The following RNF125 variants were observed in gnomAD, a reference collection of about 807,000 sequenced individuals.
RNF125 encodes the protein E3 ubiquitin-protein ligase RNF125.
A neutral mutation model predicts 26.0 loss-of-function variants in RNF125; 21 were observed. The observed-to-expected ratio is 0.81, with a 90% CI of 0.57 to 1.16. The LOEUF (loss-of-function observed/expected upper bound fraction) is 1.16. Ranked by LOEUF, RNF125 falls within the 50% of genes most tolerant of loss-of-function variation. RNF125 has a pLI of 0.00. For missense variants in RNF125, 270 were observed against 299.4 expected (o/e 0.90, Z 0.72); for synonymous variants, 95 against 109.2 (o/e 0.87, Z 0.81).
At chr18:32,089,323 A>C in the RNF125 span, among the ~76,000 whole-genome samples, 1 of 152,198 alleles carries the variant, frequency 6.6e-6, no homozygotes, top group African/African-American at 2.4e-5. Flanking sequence ...TAGTGCCTTG[A>C]GTTCATGTCA....
chr18:32,024,746 T>C (rs970634165), intron 1 of RNF125, among the ~76,000 whole-genome samples: 4 of 152,092 alleles, frequency 2.6e-5, no homozygotes, highest in African/African-American at 9.7e-5. Context: ...CTGCTGGGAT[T>C]ACAGGCATGA....
rs1210720864 is a variant in RNF125, at chr18:32,061,064, G to A, written c.505-4838G>A. 7.9e-5 allele frequency among the ~76,000 whole-genome samples: 12 copies of A among 152,124 alleles called. No homozygotes were observed. The East Asian group carries it at 9.7e-4, about 12-fold the overall frequency. Reference sequence around the variant, plus strand: ...TTTTTTCAGACAGTCTTGCTCTGGCGCCCAGGCTGGAGTGCAGTGGTGCGA... The same window carrying A: ...TTTTTTCAGACAGTCTTGCTCTGGCACCCAGGCTGGAGTGCAGTGGTGCGA... On this transcript the variant is annotated intron_variant, in intron 4 of 5. Transcript: ENST00000217740.
At chr18:32,057,830 A>C (rs1218274900) in intron 4 of RNF125, among the ~76,000 whole-genome samples, 1 of 152,182 alleles carries the variant, frequency 6.6e-6, no homozygotes, top group Non-Finnish European at 1.5e-5. Context: ...CTGTTTAAAC[A>C]TAGATTGCTG....
chr18:32,040,986 T>G (rs1033866929), intron 2 of RNF125, among the ~76,000 whole-genome samples: 1 of 152,236 alleles, frequency 6.6e-6, no homozygotes, highest in Non-Finnish European at 1.5e-5. Flanking sequence ...GCTTTTATTT[T>G]TGCCCTTTGT....
chr18:32,047,329 G>A (rs1452554681), intron 4 of RNF125, among the ~76,000 whole-genome samples: 3 of 152,134 alleles, frequency 2.0e-5, no homozygotes, highest in Admixed American at 6.6e-5. Context: ...GAGCCACCGC[G>A]CCTGGCCTGG....
intron 3 of RNF125, among the ~76,000 whole-genome samples, chr18:32,045,405 A>G (rs2039259166): frequency 6.6e-6 from 1 of 151,254 alleles, no homozygotes. Context: ...CTAAAAATAC[A>G]AAGATTAACC....
the RNF125 span, among the ~76,000 whole-genome samples, chr18:32,087,036 A>G: frequency 2.0e-5 from 3 of 152,214 alleles, no homozygotes; most frequent in South Asian, 6.2e-4. Flanking sequence ...ACTGAGTCAC[A>G]TACACACTCA....
intron 4 of RNF125, among the ~76,000 whole-genome samples, chr18:32,051,564 A>G (rs1195263754): frequency 1.3e-5 from 2 of 148,294 alleles, no homozygotes; most frequent in Non-Finnish European, 3.0e-5. Flanking sequence ...GCAGTGAGCC[A>G]AAATCATGCC....
chr18:32,038,378 T>G (rs2039182644), intron 2 of RNF125, among the ~76,000 whole-genome samples: 1 of 152,152 alleles, frequency 6.6e-6, no homozygotes. Flanking sequence ...ATATATCATC[T>G]GCAGAAAACC....
At chr18:32,088,495 T>G in the RNF125 span, among the ~76,000 whole-genome samples, 4 of 152,006 alleles carry the variant, frequency 2.6e-5, no homozygotes, top group African/African-American at 9.7e-5. Flanking sequence ...AGAGTTTTAT[T>G]TACTTATTTT....
At position 32,068,646 on chromosome 18, in the gene RNF125, T is replaced by A; in HGVS notation, c.*262T>A. The stretch of plus-strand genomic sequence containing the variant: ...GTCATTGTTACATGGAAAAGACAGG[T>A]GGTAGGCAAGTAGGTGGAGGATCTC... On this transcript the variant is annotated 3_prime_UTR_variant, in exon 6 of 6. Coordinates refer to ENST00000217740, the MANE Select transcript of RNF125 (RefSeq NM_017831.4). 1 of 345,842 alleles carries A rather than the reference T, an allele frequency of 2.9e-6. No individual in the cohort carries two copies. Among genetic ancestry groups the A allele is most frequent in the Non-Finnish European group, 5.3e-6 (1 of 187,214 alleles). 21.4% of individuals were successfully genotyped at this position (345,842 alleles called of 1,614,324 possible).
At chr18:32,075,061 G>T (rs2039560996), downstream of RNF125, among the ~76,000 whole-genome samples, 1 of 152,092 alleles carries the variant, frequency 6.6e-6, no homozygotes. Context: ...TGGGATACTT[G>T]TTATAATTAC....
intron 1 of RNF125, among the ~76,000 whole-genome samples, chr18:32,036,833 G>A (rs1473100923): frequency 2.0e-5 from 3 of 152,020 alleles, no homozygotes; most frequent in East Asian, 3.9e-4. Flanking sequence ...TTAAAGTATC[G>A]TTTAAACTTA....
intron 1 of RNF125, among the ~76,000 whole-genome samples, chr18:32,034,900 CA>C (rs10674977): frequency 0.012 from 1,411 of 113,680 alleles, 17 homozygotes; most frequent in African/African-American, 0.036. Flanking sequence ...AACTCCATCT[CA>C]AAAAAAAAAA....
chr18:32,029,175 T>G (rs2039068463), intron 1 of RNF125, among the ~76,000 whole-genome samples: 1 of 152,178 alleles, frequency 6.6e-6, no homozygotes, highest in Non-Finnish European at 1.5e-5. Flanking sequence ...AAGTTTCACT[T>G]TAATGTTTTA....
At chr18:32,051,529 C>T (rs1199455585) in intron 4 of RNF125, among the ~76,000 whole-genome samples, 2 of 147,482 alleles carry the variant, frequency 1.4e-5, no homozygotes, top group African/African-American at 2.5e-5. Context: ...AGGCAGGAAT[C>T]GCGTGAACCC....
At chr18:32,077,799 T>C (rs1172040503), downstream of RNF125, among the ~76,000 whole-genome samples, 1 of 151,868 alleles carries the variant, frequency 6.6e-6, no homozygotes, top group African/African-American at 2.4e-5. Context: ...ATAATTTTTT[T>C]TTTTTTTAGA....
intron 1 of RNF125, among the ~76,000 whole-genome samples, chr18:32,035,443 G>A (rs62093936): frequency 0.025 from 3,765 of 152,250 alleles, 45 homozygotes; most frequent in African/African-American, 0.032. Flanking sequence ...AAGAAGAATT[G>A]TTTGGAAAAT....
rs1166937211 is a variant in RNF125 at position 32,071,478 on chromosome 18, C to T, written c.*3094C>T. 6.6e-6 allele frequency: 1 copy of T among 152,184 alleles called. No homozygotes were observed. The highest frequency in any genetic ancestry group is 2.4e-5 in the African/African-American group (1 of 41,448). The allele number at this position is 152,184 out of a possible 1,614,324, so 9.4% of individuals were successfully genotyped here. On this transcript the variant is annotated 3_prime_UTR_variant, in exon 6 of 6. Coordinates refer to ENST00000217740, the MANE Select transcript of RNF125 (RefSeq NM_017831.4). ...TGATGGCTCTGACTGTTTCTCATAT[C>T]TGACTCTTTAATTATGAATCCAGGG...
Sources: allele counts gnomAD v4.1 joint callset (sites outside exome capture counted in the v4.1 genomes callset), GRCh38; gene constraint gnomAD v4.1.1; transcripts MANE v1.5; gene names NCBI Gene and HGNC (gene_info 2026-07-23, HGNC 2026-07-21).